The following KLHL25 variants were observed in gnomAD, a reference collection of about 807,000 sequenced individuals.
The protein encoded by KLHL25 is kelch like family member 25, also known as kelch-like protein 25.
KLHL25 carries 41 observed loss-of-function variants against 30.0 expected under a neutral mutation model. The ratio of observed to expected loss-of-function variants is 1.37; its 90% CI spans 1.07 to 1.78. KLHL25 has a LOEUF of 1.78. KLHL25 is among the 40% of genes most tolerant of loss of function. The probability of loss-of-function intolerance (pLI) is 0.00; values close to 1 mark genes in which losing one functional copy is unlikely to be tolerated. For synonymous variants in KLHL25, 399 were observed against 355.3 expected (o/e 1.12, Z -1.38); for missense variants, 971 against 824.5 (o/e 1.18, Z -2.18).
intron 1 of KLHL25, chr15:85,770,619 T>A (rs1255716215): frequency 9.6e-6 from 5 of 518,276 alleles, no homozygotes; most frequent in South Asian, 5.8e-5. Flanking sequence ...TGACTCACCC[T>A]CGAGACCAAC....
chr15:85,781,176 C>G (rs900462840), intron 1 of KLHL25, among the ~76,000 whole-genome samples: 4 of 152,130 alleles, frequency 2.6e-5, no homozygotes, highest in African/African-American at 9.7e-5. Flanking sequence ...ACCTGTAATC[C>G]CAGCTACTCA....
At chr15:85,788,503 G>A (rs1257233663) in intron 1 of KLHL25, among the ~76,000 whole-genome samples, 2 of 152,102 alleles carry the variant, frequency 1.3e-5, no homozygotes, top group African/African-American at 4.8e-5. Flanking sequence ...CCCAGAGCCC[G>A]GCAGAGAACA....
intron 1 of KLHL25, among the ~76,000 whole-genome samples, chr15:85,786,783 G>A (rs2089784112): frequency 6.6e-6 from 1 of 152,206 alleles, no homozygotes. Context: ...AGAAACACCT[G>A]AATTCACTCA....
intron 1 of KLHL25, among the ~76,000 whole-genome samples, chr15:85,788,002 G>C (rs1011792397): frequency 2.2e-5 from 3 of 139,180 alleles, no homozygotes; most frequent in Non-Finnish European, 4.5e-5. Flanking sequence ...GCGGAGGTGA[G>C]CTGAGATCGC....
At chr15:85,767,721 A>G (rs868340062) in intron 2 of KLHL25, among the ~76,000 whole-genome samples, 7 of 152,228 alleles carry the variant, frequency 4.6e-5, no homozygotes, top group Non-Finnish European at 7.3e-5. Context: ...TATGCTCCAC[A>G]CAGCACTGTC....
At chr15:85,779,101 G>T (rs969229997) in intron 1 of KLHL25, among the ~76,000 whole-genome samples, 1 of 149,264 alleles carries the variant, frequency 6.7e-6, no homozygotes, top group East Asian at 2.0e-4. Flanking sequence ...GAAGCCAGCC[G>T]AACCCTCCCA....
At chr15:85,785,955 A>T (rs1039119429) in intron 1 of KLHL25, among the ~76,000 whole-genome samples, 1 of 135,204 alleles carries the variant, frequency 7.4e-6, no homozygotes, top group Non-Finnish European at 1.6e-5. Context: ...CAGCAAAGGC[A>T]GCCGACCCAC....
intron 1 of KLHL25, among the ~76,000 whole-genome samples, chr15:85,791,320 A>T (rs1276290448): frequency 6.6e-6 from 1 of 151,400 alleles, no homozygotes; most frequent in African/African-American, 2.4e-5. Context: ...ACATGGAGAA[A>T]CCCCGTCTCT....
At position 85,770,813 on chromosome 15, in the gene KLHL25, C is replaced by A. The variant is rs77149855; in HGVS notation, c.-10-993G>T. 6.0e-3 allele frequency among the ~76,000 whole-genome samples: 918 copies of A among 152,310 alleles called. 8 individuals are homozygous for A. Among genetic ancestry groups the A allele is most frequent in the Non-Finnish European group, 6.3e-3 (431 of 68,028 alleles). ...TGCCCTTCTCCACCAGGCCTGGGGA[C>A]CTGGCGCTCAGAGTGATGGAGTGAT... is the stretch of plus-strand genomic sequence containing the variant. On this transcript the variant is annotated intron_variant, in intron 1 of 2. Transcript: ENST00000337975.
At chr15:85,779,815 T>C (rs988390687) in intron 1 of KLHL25, among the ~76,000 whole-genome samples, 5 of 152,236 alleles carry the variant, frequency 3.3e-5, no homozygotes, top group Admixed American at 6.5e-5. Flanking sequence ...TAAATTGTAA[T>C]GTCTGTGGAA....
intron 1 of KLHL25, among the ~76,000 whole-genome samples, chr15:85,794,349 C>T (rs1251502270): frequency 6.6e-6 from 1 of 152,170 alleles, no homozygotes; most frequent in Non-Finnish European, 1.5e-5. Context: ...CCGGCCTGGG[C>T]GTCCAAGGCG....
chr15:85,770,608 G>A, intron 1 of KLHL25: 1 of 526,214 alleles, frequency 1.9e-6, no homozygotes, highest in Non-Finnish European at 3.9e-6. Flanking sequence ...GGGGCCGCCA[G>A]TGACTCACCC....
chr15:85,769,061 G>A lies in KLHL25; in HGVS notation c.750C>T (p.Val250=), dbSNP rs376329016. 6.8e-6 allele frequency: 11 copies of A among 1,606,982 alleles called. No individual in the cohort carries two copies. Among genetic ancestry groups the A allele is most frequent in the African/African-American group, 1.3e-5 (1 of 74,842 alleles). The part of the protein sequence containing the change: ...LLPSDCLQEA[V]SSEALLMADE... ...CTGCCATGAGGAGGGCCTCGCTGGA[G>A]ACGGCCTCCTGCAGGCAGTCGGACG... Residue 250 remains valine, a synonymous_variant, in exon 2 of 3, where the codon GTC becomes GTT. Coordinates refer to ENST00000337975, the MANE Select transcript of KLHL25 (RefSeq NM_022480.4).
chr15:85,766,881 A>C (rs2089629124), intron 2 of KLHL25, among the ~76,000 whole-genome samples: 1 of 152,228 alleles, frequency 6.6e-6, no homozygotes, highest in African/African-American at 2.4e-5. Context: ...CAGGAGAAAC[A>C]GGACTCAAAC....
At chr15:85,776,929 A>T (rs550160486) in intron 1 of KLHL25, among the ~76,000 whole-genome samples, 130 of 152,104 alleles carry the variant, frequency 8.5e-4, no homozygotes, top group Middle Eastern at 3.4e-3. Flanking sequence ...CATCTCAAAA[A>T]AAATAAATAA....
Position 85,769,377 on chromosome 15 carries a change from A to G in KLHL25, c.434T>C (p.Phe145Ser). 6.2e-7 allele frequency: 1 copy of G among 1,613,956 alleles called. No individual in the cohort carries two copies. The highest frequency in any genetic ancestry group is 8.5e-7 in the Non-Finnish European group (1 of 1,179,970). Reference protein sequence around the residue: ...AAAEFLEKNLFPSNCLGMMLL... With the variant: ...AAAEFLEKNLSPSNCLGMMLL... ...CATCATGCCCAGGCAGTTGGAGGGG[A>G]AAAGGTTCTTCTCCAGGAACTCGGC... Residue 145 changes from phenylalanine to serine, a missense_variant, in exon 2 of 3, where the codon TTC (phenylalanine) becomes TCC (serine). Physicochemically the swap from Phe to Ser is radical, Grantham distance 155 (BLOSUM62 -2). Transcript: ENST00000337975.
chr15:85,788,677 G>T (rs1486459853), intron 1 of KLHL25, among the ~76,000 whole-genome samples: 1 of 152,180 alleles, frequency 6.6e-6, no homozygotes, highest in Non-Finnish European at 1.5e-5. Flanking sequence ...CAGACGCTGA[G>T]CTCCCAAGCA....
At chr15:85,774,106 G>T (rs370069439) in intron 1 of KLHL25, among the ~76,000 whole-genome samples, 5 of 152,184 alleles carry the variant, frequency 3.3e-5, no homozygotes, top group Admixed American at 1.3e-4. Context: ...CCAGCGGCGG[G>T]GGGTGGGGAG....
chr15:85,779,447 A>G (rs115145232), intron 1 of KLHL25, among the ~76,000 whole-genome samples: 94 of 152,338 alleles, frequency 6.2e-4, no homozygotes, highest in African/African-American at 2.1e-3. Context: ...GCATAGATAC[A>G]CATGTGGTAT....
Sources: gnomAD v4.1 joint callset for allele counts (sites outside exome capture counted in the v4.1 genomes callset) on GRCh38, gnomAD v4.1.1 for gene constraint, MANE v1.5 for transcripts, NCBI Gene and HGNC (gene_info 2026-07-23, HGNC 2026-07-21) for gene names.